The following ADAMTS3 variants were observed in gnomAD, a reference collection of about 807,000 sequenced individuals.
ADAMTS3 encodes ADAM metallopeptidase with thrombospondin type 1 motif 3.
ADAMTS3 carries 73 observed loss-of-function variants against 129.0 expected under a neutral mutation model. The observed-to-expected ratio is 0.57, with a 90% CI of 0.47 to 0.69. The LOEUF (loss-of-function observed/expected upper bound fraction) is 0.69. Ranked by LOEUF, ADAMTS3 falls within the 30% of genes least tolerant of loss-of-function variation. ADAMTS3 has a pLI of 0.00. For synonymous variants in ADAMTS3, 477 were observed against 510.8 expected (o/e 0.93, Z 0.89); for missense variants, 1,457 against 1,514.5 (o/e 0.96, Z 0.63).
intron 3 of ADAMTS3, among the ~76,000 whole-genome samples, chr4:72,456,547 A>T (rs980802482): frequency 1.3e-5 from 2 of 150,776 alleles, no homozygotes; most frequent in East Asian, 3.9e-4. Context: ...TCTGTGAATG[A>T]GCTGTTTAAA....
intron 11 of ADAMTS3, among the ~76,000 whole-genome samples, chr4:72,314,475 T>C (rs1350303116): frequency 6.6e-6 from 1 of 152,158 alleles, no homozygotes; most frequent in African/African-American, 2.4e-5. Flanking sequence ...GCACCTAGCT[T>C]ACAGTGCCTG....
At chr4:72,383,463 C>T (rs1721353747) in intron 4 of ADAMTS3, among the ~76,000 whole-genome samples, 1 of 152,172 alleles carries the variant, frequency 6.6e-6, no homozygotes, top group Non-Finnish European at 1.5e-5. Context: ...GTTTGGGCAT[C>T]ACATACTTGG....
At chr4:72,429,804 G>A (rs777104725) in intron 3 of ADAMTS3, among the ~76,000 whole-genome samples, 5 of 151,930 alleles carry the variant, frequency 3.3e-5, no homozygotes, top group East Asian at 3.9e-4. Flanking sequence ...CTATTCCTTC[G>A]GCGCTTGCTA....
At chr4:72,401,910 T>G (rs1003202128) in intron 4 of ADAMTS3, among the ~76,000 whole-genome samples, 1 of 152,156 alleles carries the variant, frequency 6.6e-6, no homozygotes, top group Non-Finnish European at 1.5e-5. Context: ...ACAAAACTAT[T>G]TAATGGTAAG....
At chr4:72,507,861 T>C (rs1289379950) in intron 3 of ADAMTS3, among the ~76,000 whole-genome samples, 1 of 152,222 alleles carries the variant, frequency 6.6e-6, no homozygotes, top group East Asian at 1.9e-4. Flanking sequence ...GTTATGAATA[T>C]CCAGTACACA....
chr4:72,543,162 C>T (rs2109781299), intron 3 of ADAMTS3, among the ~76,000 whole-genome samples: 1 of 152,228 alleles, frequency 6.6e-6, no homozygotes, highest in East Asian at 1.9e-4. Context: ...TAACTTATCA[C>T]ATGTCTGAAC....
In ADAMTS3 at chr4:72,530,512, A is replaced by G. The variant is rs868329915; in HGVS notation, c.504+17966T>C. 4.6e-3 allele frequency among the ~76,000 whole-genome samples: 409 copies of G among 89,368 alleles called. 1 individual carries two copies. The highest frequency in any genetic ancestry group is 0.018 in the African/African-American group (401 of 21,732). 58.6% of individuals were successfully genotyped at this position (89,368 alleles called of 152,430 possible). ...TATATTTATATACAAATATATATTT[A>G]TATATAAATATATTAATTTAATATA... is the stretch of plus-strand genomic sequence containing the variant. On this transcript the variant is annotated intron_variant, in intron 3 of 21. Transcript: ENST00000286657.
At chr4:72,345,261 G>A (rs994485241) in intron 4 of ADAMTS3, among the ~76,000 whole-genome samples, 1 of 152,048 alleles carries the variant, frequency 6.6e-6, no homozygotes, top group African/African-American at 2.4e-5. Flanking sequence ...ACTACAGGCT[G>A]GATTTTCCAA....
intron 3 of ADAMTS3, among the ~76,000 whole-genome samples, chr4:72,472,643 C>G (rs2109995421): frequency 6.6e-6 from 1 of 152,190 alleles, no homozygotes; most frequent in South Asian, 2.1e-4. Context: ...AGAAATATTC[C>G]TTCTTTCACC....
intron 3 of ADAMTS3, among the ~76,000 whole-genome samples, chr4:72,481,061 A>C: frequency 6.6e-6 from 1 of 152,104 alleles, no homozygotes; most frequent in Non-Finnish European, 1.5e-5. Flanking sequence ...CAAAGACCTA[A>C]ATAAAGGGAA....
At chr4:72,405,356 T>C (rs1375863686) in intron 4 of ADAMTS3, among the ~76,000 whole-genome samples, 1 of 152,062 alleles carries the variant, frequency 6.6e-6, no homozygotes, top group Non-Finnish European at 1.5e-5. Flanking sequence ...ATATTATCCT[T>C]TTAACAAAGG....
chr4:72,318,932 T>C (rs1188437882), intron 9 of ADAMTS3, among the ~76,000 whole-genome samples: 1 of 152,152 alleles, frequency 6.6e-6, no homozygotes, highest in Non-Finnish European at 1.5e-5. Context: ...AGGAATGTAG[T>C]AGAGCCACGA....
At chr4:72,462,133 A>C (rs1302621101) in intron 3 of ADAMTS3, among the ~76,000 whole-genome samples, 2 of 150,272 alleles carry the variant, frequency 1.3e-5, no homozygotes, top group African/African-American at 5.0e-5. Context: ...TAATTGCTAT[A>C]AAAAATAAAG....
intron 10 of ADAMTS3, among the ~76,000 whole-genome samples, chr4:72,316,566 T>C (rs898301812): frequency 9.2e-5 from 14 of 152,032 alleles, no homozygotes; most frequent in African/African-American, 2.9e-4. Flanking sequence ...TGCATGCCTC[T>C]AATTCCAGCT....
chr4:72,464,506 T>C (rs1285033545), intron 3 of ADAMTS3, among the ~76,000 whole-genome samples: 1 of 151,882 alleles, frequency 6.6e-6, no homozygotes, highest in African/African-American at 2.4e-5. Flanking sequence ...ACTGAAAAGA[T>C]TTTACAGAAA....
chr4:72,443,093 C>A (rs1718162118), intron 3 of ADAMTS3, among the ~76,000 whole-genome samples: 1 of 151,550 alleles, frequency 6.6e-6, no homozygotes, highest in Admixed American at 6.6e-5. Flanking sequence ...ATAACTTATC[C>A]TTCTTGGCGA....
At position 72,568,602 on chromosome 4, in the gene ADAMTS3, A is replaced by G. The variant is rs1356445451; in HGVS notation, c.69+92T>C. On this transcript the variant is annotated intron_variant, in intron 1 of 21. Coordinates refer to ENST00000286657, the MANE Select transcript of ADAMTS3 (RefSeq NM_014243.3). ...AGATAACAGGGAAGGGTGGGAGGAG[A>G]AGGAGGAAAGAGAGGAGGGTAGAGA... 1.3e-5 allele frequency: 12 copies of G among 940,028 alleles called. No homozygotes were observed. The East Asian group carries it at 1.3e-4, about 10-fold the overall frequency. 58.2% of individuals were successfully genotyped at this position (940,028 alleles called of 1,614,324 possible). A position where few individuals can be genotyped will look rare whatever the true frequency, so the allele number is the denominator to read the frequency against.
chr4:72,521,475 C>T (rs1384151606), intron 3 of ADAMTS3, among the ~76,000 whole-genome samples: 1 of 152,098 alleles, frequency 6.6e-6, no homozygotes, highest in Non-Finnish European at 1.5e-5. Context: ...AATTTTGTTT[C>T]AAGCTCACTG....
intron 3 of ADAMTS3, among the ~76,000 whole-genome samples, chr4:72,458,359 T>A (rs985576490): frequency 8.0e-5 from 12 of 150,924 alleles, no homozygotes; most frequent in Non-Finnish European, 1.3e-4. Context: ...ACGATGTTAA[T>A]TAAAAAAAAA....
Sources: allele counts gnomAD v4.1 joint callset (sites outside exome capture counted in the v4.1 genomes callset), GRCh38; gene constraint gnomAD v4.1.1; transcripts MANE v1.5; gene names NCBI Gene and HGNC (gene_info 2026-07-23, HGNC 2026-07-21).